The following GSTCD variants were observed in gnomAD, a reference collection of about 807,000 sequenced individuals.
The protein encoded by GSTCD is glutathione S-transferase C-terminal domain containing.
In GSTCD, 44 loss-of-function variants were observed where a neutral mutation model predicts 68.3. The observed-to-expected ratio is 0.64, with a 90% CI of 0.51 to 0.83. The LOEUF is 0.83. GSTCD is among the 40% of genes least tolerant of loss of function. GSTCD has a pLI of 0.00. For synonymous variants in GSTCD, 273 were observed against 255.2 expected (o/e 1.07, Z -0.67); for missense variants, 739 against 735.9 (o/e 1.00, Z -0.05).
At chr4:105,759,646 A>G (rs770712216) in intron 5 of GSTCD, among the ~76,000 whole-genome samples, 67 of 152,332 alleles carry the variant, frequency 4.4e-4, no homozygotes, top group Non-Finnish European at 7.5e-4. Flanking sequence ...AATGAATTGT[A>G]GGGAAAAATA....
At chr4:105,802,003 C>T (rs186678407) in intron 5 of GSTCD, among the ~76,000 whole-genome samples, 90 of 152,092 alleles carry the variant, frequency 5.9e-4, no homozygotes, top group African/African-American at 2.1e-3. Context: ...CTCTTAACTT[C>T]ATTGTCAAAT....
intron 5 of GSTCD, among the ~76,000 whole-genome samples, chr4:105,805,890 T>A (rs1180693197): frequency 2.0e-5 from 3 of 152,082 alleles, no homozygotes; most frequent in Non-Finnish European, 4.4e-5. Context: ...TTTTAAGAAA[T>A]TTTCCCATTA....
At chr4:105,719,831 T>G (rs1333826751) in intron 3 of GSTCD, among the ~76,000 whole-genome samples, 2 of 152,170 alleles carry the variant, frequency 1.3e-5, no homozygotes, top group Non-Finnish European at 2.9e-5. Context: ...TAACAATTGT[T>G]ATTATTAATT....
intron 5 of GSTCD, among the ~76,000 whole-genome samples, chr4:105,737,957 A>G (rs948944258): frequency 1.3e-5 from 2 of 152,092 alleles, no homozygotes; most frequent in Non-Finnish European, 1.5e-5. Context: ...TCCCATGAGA[A>G]CCAGTTGTTG....
At chr4:105,759,679 T>C (rs1272654759) in intron 5 of GSTCD, among the ~76,000 whole-genome samples, 1 of 152,146 alleles carries the variant, frequency 6.6e-6, no homozygotes, top group African/African-American at 2.4e-5. Context: ...ACTGGAGTTA[T>C]AAACTATAAT....
At chr4:105,812,728 AT>A (rs1722807222) in intron 5 of GSTCD, among the ~76,000 whole-genome samples, 1 of 152,066 alleles carries the variant, frequency 6.6e-6, no homozygotes, top group African/African-American at 2.4e-5. Context: ...ACCACATGAC[AT>A]TTCCTTGAAA....
intron 5 of GSTCD, among the ~76,000 whole-genome samples, chr4:105,798,210 C>T (rs1187451331): frequency 6.6e-6 from 1 of 151,966 alleles, no homozygotes; most frequent in African/African-American, 2.4e-5. Context: ...CAATTCAGTC[C>T]CATCTTCAGG....
intron 5 of GSTCD, among the ~76,000 whole-genome samples, chr4:105,767,138 G>A (rs932089239): frequency 8.6e-5 from 13 of 152,044 alleles, no homozygotes; most frequent in African/African-American, 3.1e-4. Context: ...GCAGAAAATG[G>A]AAGTGAGGAA....
chr4:105,719,117 C>A lies in GSTCD; in HGVS notation c.484C>A (p.Leu162Ile). The A allele has an allele frequency of 6.2e-7, 1 of 1,614,072 alleles. No individual in the cohort carries two copies. Among genetic ancestry groups the A allele is most frequent in the Non-Finnish European group, 8.5e-7 (1 of 1,179,982 alleles). The change falls in exon 3 of 12, where the codon CTC becomes ATC. Residue 162 changes from leucine (L) to isoleucine (I), a missense_variant. By Grantham distance (5) the Leu-to-Ile change is conservative (BLOSUM62 2). Transcript: ENST00000515279. Reference protein sequence around the residue: ...LTIPLAIENFLRESSDQPPTI... With the variant: ...LTIPLAIENFIRESSDQPPTI... ...CATCCCTTTGGCTATTGAGAATTTTCTCAGAGAATCTTCTGACCAGCCCCC... is the reference window on the plus strand; with the variant it reads ...CATCCCTTTGGCTATTGAGAATTTTATCAGAGAATCTTCTGACCAGCCCCC...
intron 8 of GSTCD, among the ~76,000 whole-genome samples, chr4:105,828,908 A>G (rs1308728864): frequency 6.6e-6 from 1 of 152,170 alleles, no homozygotes. Flanking sequence ...CTCCTAAGAG[A>G]GACAGGAAGT....
At chr4:105,741,308 G>A (rs1465361777) in intron 5 of GSTCD, among the ~76,000 whole-genome samples, 1 of 151,818 alleles carries the variant, frequency 6.6e-6, no homozygotes, top group Non-Finnish European at 1.5e-5. Context: ...TTGAATTTTT[G>A]GTGTTTTATT....
intron 8 of GSTCD, among the ~76,000 whole-genome samples, chr4:105,826,696 A>G (rs1312240390): frequency 6.6e-6 from 1 of 152,098 alleles, no homozygotes; most frequent in Non-Finnish European, 1.5e-5. Flanking sequence ...CTTTTTAATC[A>G]TACTTTTTTT....
At chr4:105,795,486 A>G (rs1189776023) in intron 5 of GSTCD, among the ~76,000 whole-genome samples, 1 of 152,050 alleles carries the variant, frequency 6.6e-6, no homozygotes, top group Non-Finnish European at 1.5e-5. Flanking sequence ...TGTATGATCA[A>G]TTTCATAAGT....
intron 1 of GSTCD, among the ~76,000 whole-genome samples, chr4:105,714,154 T>G (rs1732616996): frequency 6.6e-6 from 1 of 152,184 alleles, no homozygotes. Flanking sequence ...CATTTATTCA[T>G]TCGGCAAGAT....
chr4:105,738,889 G>A lies in GSTCD; in HGVS notation c.1240+9390G>A, dbSNP rs113748790. On this transcript the variant is annotated intron_variant, in intron 5 of 11. Transcript: ENST00000515279. Reference sequence around the variant, plus strand: ...GGATTCAGTAAGGTGAATAGGAGTGGTGAGAATGGGCATCCTTGTCTTGTT... The same window carrying A: ...GGATTCAGTAAGGTGAATAGGAGTGATGAGAATGGGCATCCTTGTCTTGTT... Among the ~76,000 whole-genome samples the A allele has an allele frequency of 6.6e-3, 1,001 of 152,284 alleles. 14 individuals carry two copies. The highest frequency in any genetic ancestry group is 0.023 in the African/African-American group (943 of 41,566).
intron 5 of GSTCD, among the ~76,000 whole-genome samples, chr4:105,765,902 C>T (rs1055017466): frequency 6.6e-6 from 1 of 152,160 alleles, no homozygotes; most frequent in Non-Finnish European, 1.5e-5. Context: ...TTGTAAGTTT[C>T]CTGAGGCCTC....
In GSTCD at chr4:105,724,972, A is replaced by G. The variant is rs186544311; in HGVS notation, c.895-1607A>G. ...GGAACAGAGGAATGTGTTCATGGCC[A>G]TGAATTATAGATGAAAGGGTTTCCA... On this transcript the variant is annotated intron_variant, in intron 3 of 11. Coordinates refer to ENST00000515279, the MANE Select transcript of GSTCD (RefSeq NM_001370181.1). Among the ~76,000 whole-genome samples the G allele has an allele frequency of 2.2e-4, 34 of 152,132 alleles. 1 individual carries two copies. The highest frequency in any genetic ancestry group is 2.2e-3 in the Admixed American group (33 of 15,274).
intron 5 of GSTCD, among the ~76,000 whole-genome samples, chr4:105,816,917 C>A (rs560082721): frequency 2.8e-4 from 42 of 152,036 alleles, no homozygotes; most frequent in African/African-American, 1.0e-3. Flanking sequence ...AGAAAAATGT[C>A]ATCTACCCTA....
chr4:105,817,648 A>C (rs2553457), intron 5 of GSTCD, among the ~76,000 whole-genome samples: 1 of 151,658 alleles, frequency 6.6e-6, no homozygotes, highest in African/African-American at 2.4e-5. Context: ...ACAAGGTATC[A>C]CCAAAATTTA....
Sources: gnomAD v4.1 joint callset for allele counts (sites outside exome capture counted in the v4.1 genomes callset) on GRCh38, gnomAD v4.1.1 for gene constraint, MANE v1.5 for transcripts, NCBI Gene and HGNC (gene_info 2026-07-23, HGNC 2026-07-21) for gene names.